Variants in SEC23A observed in about 807,000 individuals in gnomAD.
SEC23A encodes protein transport protein Sec23A.
SEC23A carries 56 observed loss-of-function variants against 103.7 expected under a neutral mutation model. That is an observed-to-expected ratio of 0.54 (90% confidence interval 0.44 to 0.67). SEC23A has a LOEUF of 0.67. Ranked by LOEUF, SEC23A falls within the 30% of genes least tolerant of loss-of-function variation. The pLI is 0.00. For synonymous variants in SEC23A, 281 were observed against 293.0 expected (o/e 0.96, Z 0.42); for missense variants, 784 against 936.4 (o/e 0.84, Z 2.12).
chr14:39,070,386 G>A lies in SEC23A; in HGVS notation c.1104-3090C>T, dbSNP rs548470679. Among the ~76,000 whole-genome samples the A allele has an allele frequency of 5.3e-5, 8 of 152,236 alleles. No homozygotes were observed. The South Asian group carries it at 8.3e-4, about 16-fold the overall frequency. On this transcript the variant is annotated intron_variant, in intron 9 of 19. Transcript: ENST00000307712. ...AACACATCCCAGGTCATTCTGTGACGACAGTTACCCTGATGCCAACACCAA... is the reference window on the plus strand; with the variant it reads ...AACACATCCCAGGTCATTCTGTGACAACAGTTACCCTGATGCCAACACCAA...
chr14:39,034,649 A>T (rs956531747), intron 19 of SEC23A, among the ~76,000 whole-genome samples: 2 of 152,176 alleles, frequency 1.3e-5, no homozygotes, highest in Non-Finnish European at 2.9e-5. Context: ...GTCAAGACAA[A>T]ATATAAGGAT....
chr14:39,093,810 T>C (rs1207150337), intron 2 of SEC23A, among the ~76,000 whole-genome samples: 2 of 151,998 alleles, frequency 1.3e-5, no homozygotes, highest in East Asian at 1.9e-4. Context: ...AAAATTAAAA[T>C]AATCCTATTT....
chr14:39,096,824 T>C (rs1177507204), intron 1 of SEC23A, among the ~76,000 whole-genome samples: 1 of 152,210 alleles, frequency 6.6e-6, no homozygotes, highest in East Asian at 1.9e-4. Flanking sequence ...TATAAAGTTC[T>C]AAAACTCACA....
At position 39,033,278 on chromosome 14, in the gene SEC23A, C is replaced by T; in HGVS notation, c.2259G>A (p.Met753Ile). 6.2e-7 allele frequency: 1 copy of T among 1,613,470 alleles called. No individual in the cohort carries two copies. Among genetic ancestry groups the T allele is most frequent in the Non-Finnish European group, 8.5e-7 (1 of 1,179,522 alleles). Reference protein sequence around the residue: ...LTDDVSLQVFMDHLKKLAVSS... With the variant: ...LTDDVSLQVFIDHLKKLAVSS... Reference sequence around the variant, plus strand: ...ACACAGCAAGTTTCTTCAAGTGATCCATAAACACTTGTAAACTAACATCAT... The same window carrying T: ...ACACAGCAAGTTTCTTCAAGTGATCTATAAACACTTGTAAACTAACATCAT... Residue 753 changes from methionine to isoleucine, a missense_variant, in exon 20 of 20, where the codon ATG becomes ATA. By Grantham distance (10) the Met-to-Ile change is conservative. Transcript: ENST00000307712.
rs78614428 is a variant in SEC23A at position 39,036,913 on chromosome 14, G to A, written c.2208+2118C>T. ...ACTAAAGCCGCTTACACAATGCCAC[G>A]AATAACCTCCTAGCCATCAAATCCA... On this transcript the variant is annotated intron_variant, in intron 19 of 19. Coordinates refer to ENST00000307712, the MANE Select transcript of SEC23A (RefSeq NM_006364.4). 6.1e-3 allele frequency among the ~76,000 whole-genome samples: 932 copies of A among 152,122 alleles called. 9 individuals are homozygous for A. The highest frequency in any genetic ancestry group is 0.021 in the African/African-American group (865 of 41,518).
At chr14:39,099,878 T>TC (rs973786016) in intron 1 of SEC23A, among the ~76,000 whole-genome samples, 11 of 152,018 alleles carry the variant, frequency 7.2e-5, no homozygotes, top group African/African-American at 2.7e-4. Context: ...CTTTTTTTTT[T>TC]CTCTTTGGAT....
chr14:39,061,881 T>A lies in SEC23A; in HGVS notation c.1399-10A>T. On this transcript the variant is annotated splice_polypyrimidine_tract_variant and intron_variant, in intron 12 of 19. Transcript: ENST00000307712. ...GAATTGGAGCATTATGCTGTATAAA[T>A]ATAATGGAGTAAAACCTAAGCAAAA... The A allele has an allele frequency of 1.3e-6, 2 of 1,586,080 alleles. No homozygotes were observed. The highest frequency in any genetic ancestry group is 1.7e-6 in the Non-Finnish European group (2 of 1,154,454).
intron 15 of SEC23A, chr14:39,047,487 C>A: frequency 1.1e-6 from 1 of 901,568 alleles, no homozygotes; most frequent in South Asian, 1.6e-5. Context: ...AATAAAGGAT[C>A]CTCAAAACAA....
chr14:39,084,358 T>G (rs1397624702), intron 7 of SEC23A, among the ~76,000 whole-genome samples: 1 of 152,124 alleles, frequency 6.6e-6, no homozygotes, highest in Non-Finnish European at 1.5e-5. Context: ...AAGATATGTA[T>G]AGCATAAAAT....
chr14:39,083,894 T>C (rs143740442), intron 7 of SEC23A, among the ~76,000 whole-genome samples: 135 of 152,170 alleles, frequency 8.9e-4, no homozygotes, highest in African/African-American at 3.1e-3. Flanking sequence ...TAATTGAGAC[T>C]ATCTCAGATA....
At chr14:39,099,321 G>A (rs1474938477) in intron 1 of SEC23A, among the ~76,000 whole-genome samples, 1 of 151,884 alleles carries the variant, frequency 6.6e-6, no homozygotes, top group African/African-American at 2.4e-5. Context: ...ACCATACCCA[G>A]CTAATTTTTT....
chr14:39,042,988 T>C (rs917656964), intron 16 of SEC23A, 116 bp from the exon 17 acceptor site: 1 of 719,366 alleles, frequency 1.4e-6, no homozygotes, highest in Non-Finnish European at 2.3e-6. Context: ...TATTTATTTA[T>C]TTTTTTGGAG....
At position 39,093,316 on chromosome 14, in the gene SEC23A, T is replaced by C. The variant is rs2415530; in HGVS notation, c.222-72A>G. On this transcript the variant is annotated intron_variant, in intron 2 of 19. Coordinates refer to ENST00000307712, the MANE Select transcript of SEC23A (RefSeq NM_006364.4). ...AATTTTACAAAAATCCTAATTTCAATAAAATTAATTTCTTCCTAAAACATG... is the reference window on the plus strand; with the variant it reads ...AATTTTACAAAAATCCTAATTTCAACAAAATTAATTTCTTCCTAAAACATG... 0.015 allele frequency: 18,585 copies of C among 1,202,434 alleles called. 1,885 individuals are homozygous for C. In the African/African-American group the frequency reaches 0.23, roughly 15 times the overall value. The allele number at this position is 1,202,434 out of a possible 1,614,324, so 74.5% of individuals were successfully genotyped here. A position where few individuals can be genotyped will look rare whatever the true frequency, so the allele number is the denominator to read the frequency against.
chr14:39,046,342 A>G (rs1414244026), intron 15 of SEC23A, among the ~76,000 whole-genome samples: 1 of 152,062 alleles, frequency 6.6e-6, no homozygotes, highest in East Asian at 1.9e-4. Context: ...GTATGGTCGC[A>G]TGTGTCTGTA....
chr14:39,097,226 G>A (rs1340970230), intron 1 of SEC23A, among the ~76,000 whole-genome samples: 1 of 152,176 alleles, frequency 6.6e-6, no homozygotes, highest in Non-Finnish European at 1.5e-5. Context: ...TGCCTAGGTA[G>A]GATGCCGGCT....
intron 3 of SEC23A, 75 bp from the exon 4 acceptor site, chr14:39,092,702 T>C: frequency 5.0e-6 from 4 of 800,786 alleles, no homozygotes; most frequent in South Asian, 4.9e-5. Context: ...AAACAAAGTA[T>C]TTCCTGATCA....
intron 18 of SEC23A, 90 bp from the exon 19 acceptor site, chr14:39,039,186 T>A (rs1303153791): frequency 2.8e-6 from 3 of 1,065,696 alleles, no homozygotes; most frequent in Non-Finnish European, 4.3e-6. Context: ...ATCAATTTTA[T>A]TTAGTATGTG....
chr14:39,066,370 A>G (rs1886667655), intron 10 of SEC23A, among the ~76,000 whole-genome samples: 1 of 152,214 alleles, frequency 6.6e-6, no homozygotes, highest in Non-Finnish European at 1.5e-5. Flanking sequence ...AGAAGCACTT[A>G]GCCTTTGGGT....
rs899298155 is a variant in SEC23A at position 39,063,680 on chromosome 14, C to T, written c.1309-267G>A. Among the ~76,000 whole-genome samples the T allele has an allele frequency of 2.6e-5, 4 of 151,870 alleles. No individual in the cohort carries two copies. The South Asian group carries it at 6.3e-4, about 24-fold the overall frequency. On this transcript the variant is annotated intron_variant, in intron 11 of 19. Coordinates refer to ENST00000307712, the MANE Select transcript of SEC23A (RefSeq NM_006364.4). ...AATTACAAAAGTATTAATATAAGTT[C>T]TTCATACTGTTCTCTTTAAAAGCAT...
Sources: gnomAD v4.1 joint callset for allele counts (sites outside exome capture counted in the v4.1 genomes callset) on GRCh38, gnomAD v4.1.1 for gene constraint, MANE v1.5 for transcripts, NCBI Gene and HGNC (gene_info 2026-07-23, HGNC 2026-07-21) for gene names.